Variants in NRXN3 observed in about 807,000 individuals in gnomAD.
NRXN3 encodes the protein neurexin III.
NRXN3 carries 32 observed loss-of-function variants against 137.6 expected under a neutral mutation model. The ratio of observed to expected loss-of-function variants is 0.23; its 90% CI spans 0.18 to 0.31. NRXN3 has a LOEUF of 0.31. NRXN3 is among the 10% of genes least tolerant of loss of function. The pLI, the probability that NRXN3 is intolerant of heterozygous loss-of-function variation, is 1.00. For synonymous variants in NRXN3, 798 were observed against 784.5 expected (o/e 1.02, Z -0.29); for missense variants, 1,574 against 2,062.5 (o/e 0.76, Z 4.59).
chr14:79,144,962 A>G (rs899113944), intron 15 of NRXN3, among the ~76,000 whole-genome samples: 7 of 152,114 alleles, frequency 4.6e-5, no homozygotes, highest in African/African-American at 1.7e-4. Context: ...TTTTTGTCAT[A>G]AAACCTGGAG....
chr14:79,504,674 T>TATAA (rs1464757508), intron 16 of NRXN3, among the ~76,000 whole-genome samples: 10 of 143,446 alleles, frequency 7.0e-5, no homozygotes, highest in African/African-American at 2.3e-4. Flanking sequence ...TATATATATA[T>TATAA]AAAACATTAC....
chr14:78,343,444 CT>C (rs1384356131), intron 4 of NRXN3, among the ~76,000 whole-genome samples: 1 of 152,284 alleles, frequency 6.6e-6, no homozygotes, highest in African/African-American at 2.4e-5. Flanking sequence ...CCTGTAGAAA[CT>C]GATTTTTGGC....
intron 8 of NRXN3, among the ~76,000 whole-genome samples, chr14:78,789,596 T>G (rs978276107): frequency 6.6e-6 from 1 of 152,292 alleles, no homozygotes; most frequent in Non-Finnish European, 1.5e-5. Context: ...TGGTATTAGA[T>G]TGGTGCAAAA....
rs565651473 is a variant in NRXN3, at chr14:79,761,247, T to C, written c.4015-43865T>C. ...GCTCCTCTTCCTTTGGCCTTCTGTATTGTATTATCTGATAAGGAAGCAGCG... is the reference window on the plus strand; with the variant it reads ...GCTCCTCTTCCTTTGGCCTTCTGTACTGTATTATCTGATAAGGAAGCAGCG... On this transcript the variant is annotated intron_variant, in intron 19 of 20. Transcript: ENST00000335750. Among the ~76,000 whole-genome samples the C allele has an allele frequency of 2.0e-5, 3 of 151,856 alleles. No individual in the cohort carries two copies. In the South Asian group the frequency reaches 6.2e-4, roughly 31 times the overall value.
At chr14:78,499,717 A>G (rs1233814321) in intron 4 of NRXN3, among the ~76,000 whole-genome samples, 1 of 152,118 alleles carries the variant, frequency 6.6e-6, no homozygotes, top group Admixed American at 6.6e-5. Flanking sequence ...ACCTGCCTCC[A>G]AGTTCACCTG....
rs372415924 is a variant in NRXN3 at position 79,755,734 on chromosome 14, G to A, written c.4015-49378G>A. Among the ~76,000 whole-genome samples, 11 of 152,000 alleles carry A rather than the reference G, an allele frequency of 7.2e-5. No individual in the cohort carries two copies. In the East Asian group the frequency reaches 7.7e-4, roughly 11 times the overall value. ...TGTAGCTTGCTTTTTATGCTAGGCAGGTTCCTGAATAGTCAGATAGGAATT... is the reference window on the plus strand; with the variant it reads ...TGTAGCTTGCTTTTTATGCTAGGCAAGTTCCTGAATAGTCAGATAGGAATT... On this transcript the variant is annotated intron_variant, in intron 19 of 20. Coordinates refer to ENST00000335750, the MANE Select transcript of NRXN3 (RefSeq NM_001330195.2).
intron 16 of NRXN3, among the ~76,000 whole-genome samples, chr14:79,533,229 A>G (rs1225884671): frequency 6.6e-6 from 1 of 152,156 alleles, no homozygotes; most frequent in Admixed American, 6.5e-5. Context: ...CTTTCTCATG[A>G]TGCATGGCTA....
intron 10 of NRXN3, among the ~76,000 whole-genome samples, chr14:78,887,110 G>A (rs1466125269): frequency 6.6e-6 from 1 of 152,052 alleles, no homozygotes; most frequent in African/African-American, 2.4e-5. Context: ...CATTTATTTA[G>A]CACTAACAAC....
chr14:78,833,446 G>A (rs900278544), intron 10 of NRXN3, among the ~76,000 whole-genome samples: 11 of 152,158 alleles, frequency 7.2e-5, no homozygotes, highest in African/African-American at 2.7e-4. Context: ...ATGGCAAGGT[G>A]AACATCCCTT....
At chr14:79,146,751 C>T (rs1229063393) in intron 15 of NRXN3, among the ~76,000 whole-genome samples, 1 of 152,136 alleles carries the variant, frequency 6.6e-6, no homozygotes, top group Non-Finnish European at 1.5e-5. Context: ...GGCAAAGCTT[C>T]AGGAAAGCCC....
chr14:78,875,690 C>T (rs1234555334), intron 10 of NRXN3, among the ~76,000 whole-genome samples: 1 of 152,096 alleles, frequency 6.6e-6, no homozygotes, highest in African/African-American at 2.4e-5. Context: ...TTTAAATACA[C>T]AGTGTTTTTT....
intron 19 of NRXN3, among the ~76,000 whole-genome samples, chr14:79,729,730 C>T (rs1603451277): frequency 6.6e-6 from 1 of 152,142 alleles, no homozygotes; most frequent in Non-Finnish European, 1.5e-5. Context: ...AGGCAGTAGG[C>T]ACAGTGATGG....
At chr14:79,195,778 C>T (rs1422283497) in intron 15 of NRXN3, among the ~76,000 whole-genome samples, 1 of 152,154 alleles carries the variant, frequency 6.6e-6, no homozygotes, top group Non-Finnish European at 1.5e-5. Flanking sequence ...CGATGATATC[C>T]TCCTATAAAT....
chr14:79,867,794 C>G lies in NRXN3; in HGVS notation c.*5830C>G, dbSNP rs570540209. 1.3e-5 allele frequency: 2 copies of G among 152,268 alleles called. No homozygotes were observed. The highest frequency in any genetic ancestry group is 4.1e-4 in the South Asian group (2 of 4,826). 9.4% of individuals were successfully genotyped at this position (152,268 alleles called of 1,614,324 possible). On this transcript the variant is annotated 3_prime_UTR_variant, in exon 21 of 21. Transcript: ENST00000335750. ...GAAGAGCAAATAATTCCAAGAGACA[C>G]CAAGCCACAGAGCAGGTAGGATCAC...
intron 16 of NRXN3, among the ~76,000 whole-genome samples, chr14:79,639,516 A>G (rs2098422259): frequency 6.6e-6 from 1 of 151,802 alleles, no homozygotes; most frequent in Admixed American, 6.6e-5. Context: ...TGTCCTGATT[A>G]ATTTTTGTTA....
At chr14:78,556,017 C>G (rs2096733562) in intron 4 of NRXN3, among the ~76,000 whole-genome samples, 1 of 152,224 alleles carries the variant, frequency 6.6e-6, no homozygotes, top group Admixed American at 6.5e-5. Flanking sequence ...CTCTTGTCTC[C>G]TTTTTCAAAG....
intron 15 of NRXN3, among the ~76,000 whole-genome samples, chr14:79,120,769 C>A (rs1165771952): frequency 6.6e-6 from 1 of 151,948 alleles, no homozygotes; most frequent in Non-Finnish European, 1.5e-5. Context: ...GAAACCGTTC[C>A]AGCAGGAAAT....
rs765551802 is a variant in NRXN3, at chr14:79,351,036, T to C, written c.3263-116185T>C. 4.7e-4 allele frequency among the ~76,000 whole-genome samples: 71 copies of C among 152,312 alleles called. 1 individual carries two copies. Among genetic ancestry groups the C allele is most frequent in the Admixed American group, 4.6e-4 (7 of 15,294 alleles). On this transcript the variant is annotated intron_variant, in intron 15 of 20. Transcript: ENST00000335750. ...TTCCCCAGAGACACATAGCAGTATA[T>C]GCTAGAGGCAGGACTCCAACCCAGA...
chr14:79,861,457 A>G lies in NRXN3; in HGVS notation c.4209A>G (p.Thr1403=). Residue 1403 remains threonine (T), a synonymous_variant, in exon 21 of 21, where the codon ACA becomes ACG. Coordinates refer to ENST00000335750, the MANE Select transcript of NRXN3 (RefSeq NM_001330195.2). The surrounding 1 kb of genome is among the most constrained non-coding windows in gnomAD (Gnocchi z 5.4). Reference sequence around the variant, plus strand: ...CCGAAACTAGTAGGACTACTACCACATCTTTATCCCCTGAGCTGATCCGCT... The same window carrying G: ...CCGAAACTAGTAGGACTACTACCACGTCTTTATCCCCTGAGCTGATCCGCT... The part of the protein sequence containing the change: ...KVSETSRTTT[T]SLSPELIRFT... The G allele has an allele frequency of 6.5e-7, 1 of 1,536,878 alleles. No homozygotes were observed. Among genetic ancestry groups the G allele is most frequent in the South Asian group, 1.2e-5 (1 of 84,066 alleles).
Sources: allele counts gnomAD v4.1 joint callset (sites outside exome capture counted in the v4.1 genomes callset), GRCh38; gene constraint gnomAD v4.1.1; non-coding constraint Gnocchi (gnomAD v3.1); transcripts MANE v1.5; gene names NCBI Gene and HGNC (gene_info 2026-07-23, HGNC 2026-07-21).